BCR: variants seen among roughly 807,000 people sequenced by gnomAD.
BCR encodes the protein BCR activator of RhoGEF and GTPase.
A neutral mutation model predicts 138.6 loss-of-function variants in BCR; 58 were observed. That is an observed-to-expected ratio of 0.42 (90% CI 0.34 to 0.52). BCR has a LOEUF of 0.52. BCR is among the 20% of genes least tolerant of loss of function. The pLI, the probability that BCR is intolerant of heterozygous loss-of-function variation, is 0.06. For missense variants in BCR, 1,599 were observed against 1,727.2 expected, an observed-to-expected ratio of 0.93 and a Z score of 1.32; for synonymous variants, 786 against 730.1, an observed-to-expected ratio of 1.08 and a Z score of -1.23.
intron 16 of BCR, among the ~76,000 whole-genome samples, chr22:23,303,306 C>T (rs9620237): frequency 0.021 from 3,204 of 152,246 alleles, 102 homozygotes; most frequent in African/African-American, 0.073. Flanking sequence ...ATAAAGATCA[C>T]GTCACAGGGG....
At chr22:23,194,558 C>T (rs921550955) in intron 1 of BCR, among the ~76,000 whole-genome samples, 2 of 152,078 alleles carry the variant, frequency 1.3e-5, no homozygotes, top group African/African-American at 4.8e-5. Flanking sequence ...CTGCAGGCGC[C>T]TGCCACAACG....
rs766533743 is a variant in BCR at position 23,231,533 on chromosome 22, TA to T, written c.1280-22262del. Among the ~76,000 whole-genome samples, 1,381 of 151,100 alleles carry T rather than the reference TA, an allele frequency of 9.1e-3. 18 individuals carry two copies. Among genetic ancestry groups the T allele is most frequent in the African/African-American group, 0.032 (1,302 of 41,092 alleles). On this transcript the variant is annotated intron_variant, in intron 1 of 22. Transcript: ENST00000305877. ...TAAAATAAAATAAAATAAAATAAAA[TA>T]AAATAAAATAAAATAAATAAAATAC...
chr22:23,250,242 T>G (rs1459737089), intron 1 of BCR, among the ~76,000 whole-genome samples: 3 of 152,170 alleles, frequency 2.0e-5, no homozygotes, highest in Non-Finnish European at 4.4e-5. Flanking sequence ...CGGGAGTCAG[T>G]GTAGTCATGG....
chr22:23,292,394 T>G lies in BCR; in HGVS notation c.2783-147T>G, dbSNP rs1403839865. 3 of 600,860 alleles carry G rather than the reference T, an allele frequency of 5.0e-6. No homozygotes were observed. The African/African-American group carries it at 5.8e-5, about 12-fold the overall frequency. The allele number at this position is 600,860 out of a possible 1,614,324, so 37.2% of individuals were successfully genotyped here. A position where few individuals can be genotyped will look rare whatever the true frequency, so the allele number is the denominator to read the frequency against. ...GCTGGTGTTCACGCCAGACCACAAT[T>G]AGGTGTTTAATTTTTAAAAAGAAAG... On this transcript the variant is annotated intron_variant, in intron 14 of 22. Coordinates refer to ENST00000305877, the MANE Select transcript of BCR (RefSeq NM_004327.4).
intron 1 of BCR, among the ~76,000 whole-genome samples, chr22:23,197,516 G>C (rs182174287): frequency 6.6e-6 from 1 of 152,142 alleles, no homozygotes; most frequent in South Asian, 2.1e-4. Flanking sequence ...TGCAGATGTG[G>C]AACTTGAGGC....
chr22:23,258,665 C>T (rs2073322708), intron 2 of BCR, among the ~76,000 whole-genome samples: 1 of 152,170 alleles, frequency 6.6e-6, no homozygotes, highest in African/African-American at 2.4e-5. Context: ...GCTGCCACAC[C>T]TCGGGGGAGA....
At chr22:23,270,039 C>G (rs148734957) in intron 5 of BCR, among the ~76,000 whole-genome samples, 2 of 151,886 alleles carry the variant, frequency 1.3e-5, no homozygotes, top group African/African-American at 4.8e-5. Context: ...ACCATCAGGG[C>G]GACATGCACT....
At position 23,226,314 on chromosome 22, in the gene BCR, G is replaced by GAC. The variant is rs1344834226; in HGVS notation, c.1280-27484_1280-27483insCA. ...ATTGGCATTAAGTGTATGAGAGAGA[G>GAC]AGAGAGAGAGAGAGTGTGTGTGTGT... On this transcript the variant is annotated intron_variant, in intron 1 of 22. Coordinates refer to ENST00000305877, the MANE Select transcript of BCR (RefSeq NM_004327.4). Among the ~76,000 whole-genome samples the GAC allele has an allele frequency of 1.2e-4, 14 of 115,864 alleles. 1 individual carries two copies. Among genetic ancestry groups the GAC allele is most frequent in the African/African-American group, 5.0e-4 (14 of 28,164 alleles). 76.0% of individuals were successfully genotyped at this position (115,864 alleles called of 152,430 possible). A position where few individuals can be genotyped will look rare whatever the true frequency, so the allele number is the denominator to read the frequency against.
intron 12 of BCR, among the ~76,000 whole-genome samples, chr22:23,288,921 C>T (rs966888890): frequency 6.6e-6 from 1 of 152,218 alleles, no homozygotes; most frequent in East Asian, 1.9e-4. Context: ...CCTCCCGCGC[C>T]CTCAGGCTCA....
intron 8 of BCR, among the ~76,000 whole-genome samples, chr22:23,282,610 A>G (rs534961992): frequency 1.3e-5 from 2 of 152,106 alleles, no homozygotes; most frequent in Non-Finnish European, 2.9e-5. Flanking sequence ...CCCGAGAAGA[A>G]CCTCAGGCTG....
rs555265039 is a variant in BCR, at chr22:23,219,204, G to A, written c.1280-34595G>A. On this transcript the variant is annotated intron_variant, in intron 1 of 22. Coordinates refer to ENST00000305877, the MANE Select transcript of BCR (RefSeq NM_004327.4). ...TAAGCCGACAGATGGCCCTGGTGGG[G>A]TGTGTCTTCCAACTGGGTAGGTGCT... is the stretch of plus-strand genomic sequence containing the variant. Among the ~76,000 whole-genome samples, 11 of 152,328 alleles carry A rather than the reference G, an allele frequency of 7.2e-5. No individual in the cohort carries two copies. The East Asian group carries it at 1.2e-3, about 16-fold the overall frequency.
At position 23,263,954 on chromosome 22, in the gene BCR, C is replaced by G; in HGVS notation, c.1752+2414C>G. 3.3e-6 allele frequency: 3 copies of G among 904,412 alleles called. 1 individual carries two copies. The highest frequency in any genetic ancestry group is 1.3e-5 in the South Asian group (1 of 76,986). The allele number at this position is 904,412 out of a possible 1,614,324, so 56.0% of individuals were successfully genotyped here. ...CACCCCTGAAAATCTGGGACCTCAA[C>G]AGTGGGCAGCTGATGACACACTTGG... On this transcript the variant is annotated intron_variant, in intron 4 of 22. Transcript: ENST00000305877.
intron 4 of BCR, chr22:23,264,267 G>A (rs1345272232): frequency 8.6e-6 from 8 of 930,124 alleles, no homozygotes; most frequent in East Asian, 2.4e-5. Context: ...GACCCGCCTC[G>A]GCAGCCCTGT....
chr22:23,262,042 AG>A (rs2073365234), intron 4 of BCR: 1 of 154,210 alleles, frequency 6.5e-6, no homozygotes, highest in Non-Finnish European at 1.4e-5. Flanking sequence ...CTGGGGCTAT[AG>A]GTGCACGCCA....
intron 1 of BCR, among the ~76,000 whole-genome samples, chr22:23,187,000 T>G (rs2072351835): frequency 6.6e-6 from 1 of 152,106 alleles, no homozygotes; most frequent in South Asian, 2.1e-4. Context: ...CCTCCCAGAG[T>G]GCTGGGATTA....
rs1307353327 is a variant in BCR, at chr22:23,297,207, G to GTTTTTTTTTTTTTTTTTTTTTTT, written c.3012+2058_3012+2059insTTTTTTTTTTTTTTTTTTTTTTT. On this transcript the variant is annotated intron_variant, in intron 16 of 22. Coordinates refer to ENST00000305877, the MANE Select transcript of BCR (RefSeq NM_004327.4). ...GTGCCCCACCATGCCTGGCTAAGTTGTTTTTTGTTTTTTGTTTTTTTTTTT... is the reference window on the plus strand; with the variant it reads ...GTGCCCCACCATGCCTGGCTAAGTTGTTTTTTTTTTTTTTTTTTTTTTTTTTTTTGTTTTTTGTTTTTTTTTTT... 2.1e-5 allele frequency among the ~76,000 whole-genome samples: 2 copies of GTTTTTTTTTTTTTTTTTTTTTTT among 97,382 alleles called. 1 individual carries two copies. Among genetic ancestry groups the GTTTTTTTTTTTTTTTTTTTTTTT allele is most frequent in the Non-Finnish European group, 4.0e-5 (2 of 49,556 alleles). The allele number at this position is 97,382 out of a possible 152,430, so 63.9% of individuals were successfully genotyped here.
intron 1 of BCR, chr22:23,243,081 TC>T (rs1250680168): frequency 3.8e-6 from 1 of 261,724 alleles, no homozygotes; most frequent in East Asian, 1.1e-4. Flanking sequence ...TATGTGGTCT[TC>T]CTTCTGGTTT....
chr22:23,305,026 A>G (rs1308641608), intron 16 of BCR, among the ~76,000 whole-genome samples: 1 of 151,958 alleles, frequency 6.6e-6, no homozygotes, highest in Admixed American at 6.6e-5. Flanking sequence ...AGGCAAGAGA[A>G]TGGTTTGAAG....
intron 11 of BCR, 70 bp from the exon 12 acceptor site, chr22:23,288,026 GC>G: frequency 1.4e-6 from 2 of 1,441,762 alleles, no homozygotes; most frequent in South Asian, 1.1e-5. Flanking sequence ...GCTCTAAGGT[GC>G]CCCGGGCCTA....
Sources: allele counts gnomAD v4.1 joint callset (sites outside exome capture counted in the v4.1 genomes callset), GRCh38; gene constraint gnomAD v4.1.1; transcripts MANE v1.5; gene names NCBI Gene and HGNC (gene_info 2026-07-23, HGNC 2026-07-21).